The following FAM120AOS variants were observed in gnomAD, a reference collection of about 807,000 sequenced individuals.
FAM120AOS encodes the protein family with sequence similarity 120 member A opposite strand.
FAM120AOS carries 15 observed loss-of-function variants against 20.2 expected under a neutral mutation model. The ratio of observed to expected loss-of-function variants is 0.74; its 90% CI spans 0.50 to 1.15. The LOEUF is 1.15. Ranked by LOEUF, FAM120AOS falls within the 50% of genes most tolerant of loss-of-function variation. The pLI is 0.00. For missense variants in FAM120AOS, 327 were observed against 351.9 expected, an observed-to-expected ratio of 0.93 and a Z score of 0.57; for synonymous variants, 154 against 154.0, an observed-to-expected ratio of 1.00 and a Z score of 0.00.
Position 93,452,646 on chromosome 9 carries a change from G to A in FAM120AOS, c.64C>T (p.Leu22Phe), listed in dbSNP as rs1055710. The change falls in exon 1 of 3, where the codon CTC becomes TTC. Residue 22 changes from leucine (L) to phenylalanine (F), a missense_variant. Around this residue, in one of 3 missense-constraint regions of FAM120AOS, gnomAD observed 155 missense variants for 128.8 expected, o/e 1.20. Transcript: ENST00000375412. This position sits in a 1 kb window ranked among gnomAD's most constrained non-coding sequence, Gnocchi z 7.0. The stretch of plus-strand genomic sequence containing the variant: ...GTGGGGACACTTGAGGGCTGGGAGA[G>A]AGCCCCGGACCAGAATTCGGAGGCG... Reference protein sequence around the residue: ...TVASEFWSGALSQPSSVPTRP... With the variant: ...TVASEFWSGAFSQPSSVPTRP... 0.32 allele frequency: 518,473 copies of A among 1,598,730 alleles called. 86,149 individuals carry two copies. Among genetic ancestry groups the A allele is most frequent in the East Asian group, 0.46 (20,654 of 44,832 alleles).
At position 93,446,526 on chromosome 9, in the gene FAM120AOS, A is replaced by G. The variant is rs1036000959; in HGVS notation, c.*1085T>C. 6.6e-6 allele frequency: 1 copy of G among 152,276 alleles called. No individual in the cohort carries two copies. Among genetic ancestry groups the G allele is most frequent in the Non-Finnish European group, 1.5e-5 (1 of 68,044 alleles). 9.4% of individuals were successfully genotyped at this position (152,276 alleles called of 1,614,324 possible). The stretch of plus-strand genomic sequence containing the variant: ...CACATTGTAAAATATAGTTTACTTC[A>G]AAAGATGATCCTGAAGATCCCATCA... On this transcript the variant is annotated 3_prime_UTR_variant, in exon 3 of 3. Coordinates refer to ENST00000375412, the MANE Select transcript of FAM120AOS (RefSeq NM_198841.4).
chr9:93,445,069 T>C lies in FAM120AOS; in HGVS notation c.*2542A>G, dbSNP rs566072661. Among the ~76,000 whole-genome samples, 5 of 152,326 alleles carry C rather than the reference T, an allele frequency of 3.3e-5. No individual in the cohort carries two copies. Among genetic ancestry groups the C allele is most frequent in the African/African-American group, 1.2e-4 (5 of 41,576 alleles). ...TTGGGCTGACCATGAAGGGATCCAT[T>C]ATCTGAAGAGTGGCTTAAGATTTAG... On this transcript the variant is annotated 3_prime_UTR_variant, in exon 3 of 3. Coordinates refer to ENST00000375412, the MANE Select transcript of FAM120AOS (RefSeq NM_198841.4).
chr9:93,451,367 G>A (rs531896682), intron 1 of FAM120AOS: 3 of 1,417,090 alleles, frequency 2.1e-6, no homozygotes, highest in East Asian at 2.6e-5. Context: ...GAACCACCGG[G>A]CGGAGGCGGC....
At chr9:93,450,750 C>A in intron 1 of FAM120AOS, 151 bp from the exon 2 acceptor site, 1 of 1,263,958 alleles carries the variant, frequency 7.9e-7, no homozygotes, top group Non-Finnish European at 1.1e-6. Context: ...ACAGTATCAA[C>A]CTCATTTTAG....
At position 93,453,211 on chromosome 9, in the gene FAM120AOS, G is replaced by T; in HGVS notation, c.-502C>A. ...GCAGGATTTATTTTTCGGGTGCACAGTAAGTATTCAGTGACCTTCAGCGGT... is the reference window on the plus strand; with the variant it reads ...GCAGGATTTATTTTTCGGGTGCACATTAAGTATTCAGTGACCTTCAGCGGT... On this transcript the variant is annotated 5_prime_UTR_variant, in exon 1 of 3. The change creates a new upstream start codon in the 5' untranslated region. Coordinates refer to ENST00000375412, the MANE Select transcript of FAM120AOS (RefSeq NM_198841.4). 2 of 1,004,820 alleles carry T rather than the reference G, an allele frequency of 2.0e-6. No homozygotes were observed. Among genetic ancestry groups the T allele is most frequent in the Non-Finnish European group, 2.4e-6 (2 of 843,318 alleles). 62.2% of individuals were successfully genotyped at this position (1,004,820 alleles called of 1,614,324 possible). A position where few individuals can be genotyped will look rare whatever the true frequency, so the allele number is the denominator to read the frequency against.
intron 2 of FAM120AOS, among the ~76,000 whole-genome samples, chr9:93,448,656 T>TAAGTCTC (rs1434081975): frequency 1.3e-5 from 2 of 152,142 alleles, no homozygotes; most frequent in Admixed American, 6.5e-5. Context: ...CTCGCTCTGT[T>TAAGTCTC]GCCCAGGCTA....
Position 93,452,923 on chromosome 9 carries a change from C to G in FAM120AOS, c.-214G>C. 1 of 1,424,788 alleles carries G rather than the reference C, an allele frequency of 7.0e-7. No individual in the cohort carries two copies. The highest frequency in any genetic ancestry group is 1.5e-5 in the South Asian group (1 of 65,922). 88.3% of individuals were successfully genotyped at this position (1,424,788 alleles called of 1,614,324 possible). On this transcript the variant is annotated 5_prime_UTR_variant, in exon 1 of 3. Coordinates refer to ENST00000375412, the MANE Select transcript of FAM120AOS (RefSeq NM_198841.4). This position sits in a 1 kb window ranked among gnomAD's most constrained non-coding sequence, Gnocchi z 7.0. ...TGTTGTTAGCCCGGTGACAGCGAGA[C>G]GTGTCTAAGGGCCAGTGCCCTGGCC...
intron 1 of FAM120AOS, chr9:93,451,152 A>G: frequency 6.4e-7 from 1 of 1,550,434 alleles, no homozygotes; most frequent in South Asian, 1.2e-5. Flanking sequence ...GCGGCCGGCC[A>G]GCATCCCGCT....
intron 1 of FAM120AOS, chr9:93,451,876 GC>G: frequency 1.0e-6 from 1 of 975,000 alleles, no homozygotes; most frequent in Non-Finnish European, 1.3e-6. Flanking sequence ...CGGCCCCGCC[GC>G]CCCCCGCCCG....
chr9:93,451,933 C>G, intron 1 of FAM120AOS: 3 of 1,510,298 alleles, frequency 2.0e-6, no homozygotes, highest in Non-Finnish European at 2.6e-6. Context: ...TGCAGGGCTT[C>G]CAGGACTACA....
chr9:93,448,679 G>A (rs1039731085), intron 2 of FAM120AOS, among the ~76,000 whole-genome samples: 1 of 151,956 alleles, frequency 6.6e-6, no homozygotes, highest in Non-Finnish European at 1.5e-5. Flanking sequence ...ATGCAGTGGC[G>A]TGATCTCGGC....
intron 1 of FAM120AOS, chr9:93,451,933 C>T: frequency 1.3e-6 from 2 of 1,510,298 alleles, no homozygotes; most frequent in South Asian, 2.5e-5. Flanking sequence ...TGCAGGGCTT[C>T]CAGGACTACA....
At chr9:93,450,630 G>C (rs370424829) in intron 1 of FAM120AOS, 31 bp from the exon 2 acceptor site, 60 of 1,608,684 alleles carry the variant, frequency 3.7e-5, no homozygotes, top group Non-Finnish European at 4.8e-5. Context: ...GAGAGATGAA[G>C]GTAAGTAAAA....
Position 93,447,462 on chromosome 9 carries a change from T to A in FAM120AOS, c.*149A>T. 1.4e-6 allele frequency: 1 copy of A among 714,484 alleles called. No individual in the cohort carries two copies. Among genetic ancestry groups the A allele is most frequent in the Non-Finnish European group, 2.4e-6 (1 of 415,708 alleles). The allele number at this position is 714,484 out of a possible 1,614,324, so 44.3% of individuals were successfully genotyped here. A position where few individuals can be genotyped will look rare whatever the true frequency, so the allele number is the denominator to read the frequency against. On this transcript the variant is annotated 3_prime_UTR_variant, in exon 3 of 3. Coordinates refer to ENST00000375412, the MANE Select transcript of FAM120AOS (RefSeq NM_198841.4). ...TAATAAAAGTGGATAAAGACCACTC[T>A]AGCTTTAAAACACCCTCCAATATAG...
In FAM120AOS at chr9:93,444,615, T is replaced by A. The variant is rs1359805884; in HGVS notation, c.*2996A>T. ...TTTTGAGGCCAGTAAGGAGTTCTGC[T>A]TTTTTTTTTTTTTCCTGAGACGGAG... On this transcript the variant is annotated 3_prime_UTR_variant, in exon 3 of 3. Transcript: ENST00000375412. Among the ~76,000 whole-genome samples, 3 of 117,812 alleles carry A rather than the reference T, an allele frequency of 2.5e-5. No homozygotes were observed. In the East Asian group the frequency reaches 6.3e-4, roughly 25 times the overall value. The allele number at this position is 117,812 out of a possible 152,430, so 77.3% of individuals were successfully genotyped here. A position where few individuals can be genotyped will look rare whatever the true frequency, so the allele number is the denominator to read the frequency against.
Position 93,452,944 on chromosome 9 carries a change from T to C in FAM120AOS, c.-235A>G. 2 of 1,394,356 alleles carry C rather than the reference T, an allele frequency of 1.4e-6. No individual in the cohort carries two copies. The highest frequency in any genetic ancestry group is 2.8e-5 in the East Asian group (1 of 36,072). 86.4% of individuals were successfully genotyped at this position (1,394,356 alleles called of 1,614,324 possible). ...GAGACGTGTCTAAGGGCCAGTGCCCTGGCCTCTACTTCAGAACGCAGTGCC... is the reference window on the plus strand; with the variant it reads ...GAGACGTGTCTAAGGGCCAGTGCCCCGGCCTCTACTTCAGAACGCAGTGCC... On this transcript the variant is annotated 5_prime_UTR_variant, in exon 1 of 3. Coordinates refer to ENST00000375412, the MANE Select transcript of FAM120AOS (RefSeq NM_198841.4). The surrounding 1 kb of genome is among the most constrained non-coding windows in gnomAD (Gnocchi z 7.0).
rs1440344043 is a variant in FAM120AOS, at chr9:93,452,524, C to A, written c.186G>T (p.Arg62Ser). 3 of 1,555,990 alleles carry A rather than the reference C, an allele frequency of 1.9e-6. No individual in the cohort carries two copies. The highest frequency in any genetic ancestry group is 1.9e-5 in the Admixed American group (1 of 52,676). The change falls in exon 1 of 3, where the codon AGG (arginine) becomes AGT (serine). Residue 62 changes from arginine to serine, a missense_variant. Arg to Ser is a moderately radical substitution (Grantham distance 110, BLOSUM62 -1). Around this residue, in one of 3 missense-constraint regions of FAM120AOS, gnomAD observed 155 missense variants for 128.8 expected, o/e 1.20. Transcript: ENST00000375412. The surrounding 1 kb of genome is among the most constrained non-coding windows in gnomAD (Gnocchi z 7.0). Reference sequence around the variant, plus strand: ...TTCCCCCAGCCCTTGCCCGGGATAGCCTGGCCGGGCCGGGCTGCAAGATGG... The same window carrying A: ...TTCCCCCAGCCCTTGCCCGGGATAGACTGGCCGGGCCGGGCTGCAAGATGG... ...RPSILQPGPA[R>S]LSRARAGGTR...
At chr9:93,451,652 C>T (rs1222248016) in intron 1 of FAM120AOS, 4 of 981,626 alleles carry the variant, frequency 4.1e-6, no homozygotes, top group African/African-American at 3.5e-5. Flanking sequence ...GCCGCCCGCC[C>T]GCCCCGCCCC....
At chr9:93,449,790 T>G (rs1857019690) in intron 2 of FAM120AOS, among the ~76,000 whole-genome samples, 1 of 151,926 alleles carries the variant, frequency 6.6e-6, no homozygotes, top group Admixed American at 6.6e-5. Flanking sequence ...CCGGCCGCAC[T>G]AATGCATTTT....
Sources: allele counts gnomAD v4.1 joint callset (sites outside exome capture counted in the v4.1 genomes callset), GRCh38; gene constraint gnomAD v4.1.1; regional missense constraint gnomAD v4.1.1; non-coding constraint Gnocchi (gnomAD v3.1); transcripts MANE v1.5; gene names NCBI Gene and HGNC (gene_info 2026-07-23, HGNC 2026-07-21).